Variants in GRIK3 observed in about 807,000 individuals in gnomAD.
GRIK3 encodes the protein glutamate receptor ionotropic, kainate 3.
In GRIK3, 29 loss-of-function variants were observed where a neutral mutation model predicts 102.5. The observed-to-expected ratio is 0.28, with a 90% CI of 0.21 to 0.39. The LOEUF (loss-of-function observed/expected upper bound fraction) is 0.39. Among genes scored for constraint, GRIK3 ranks in the 10% least tolerant of loss-of-function variants. The pLI is 1.00. For synonymous variants in GRIK3, 511 were observed against 504.9 expected, an observed-to-expected ratio of 1.01 and a Z score of -0.16; for missense variants, 908 against 1,252.4, an observed-to-expected ratio of 0.73 and a Z score of 4.15.
intron 1 of GRIK3, among the ~76,000 whole-genome samples, chr1:36,942,430 C>T (rs568420677): frequency 6.6e-6 from 1 of 152,330 alleles, no homozygotes; most frequent in East Asian, 1.9e-4. Context: ...CTGCTAATTG[C>T]TTGAAACACG....
intron 1 of GRIK3, among the ~76,000 whole-genome samples, chr1:37,031,384 GCAATT>G (rs1157398045): frequency 2.0e-5 from 3 of 152,220 alleles, no homozygotes; most frequent in African/African-American, 7.2e-5. Flanking sequence ...ACAGAGCAAT[GCAATT>G]CATCTATTCA....
chr1:36,838,357 C>G (rs536919935), intron 10 of GRIK3, among the ~76,000 whole-genome samples: 3 of 152,006 alleles, frequency 2.0e-5, no homozygotes, highest in African/African-American at 7.3e-5. Context: ...ATTTAAGGTA[C>G]GGATGTGAGT....
intron 1 of GRIK3, among the ~76,000 whole-genome samples, chr1:36,945,606 G>A (rs375267561): frequency 6.6e-6 from 1 of 152,190 alleles, no homozygotes; most frequent in East Asian, 1.9e-4. Flanking sequence ...TCTCAATTTA[G>A]AGGCACAATC....
At chr1:36,910,481 T>C (rs1432585583) in intron 1 of GRIK3, among the ~76,000 whole-genome samples, 1 of 151,262 alleles carries the variant, frequency 6.6e-6, no homozygotes, top group Non-Finnish European at 1.5e-5. Flanking sequence ...TGCTCTCTGC[T>C]GCGCCTTAGC....
At chr1:36,887,039 T>C (rs1202493190) in intron 2 of GRIK3, among the ~76,000 whole-genome samples, 1 of 152,240 alleles carries the variant, frequency 6.6e-6, no homozygotes, top group East Asian at 1.9e-4. Context: ...TTATTACCAT[T>C]AAAGTGGCTA....
intron 10 of GRIK3, among the ~76,000 whole-genome samples, chr1:36,827,844 G>T (rs1362961625): frequency 1.3e-5 from 2 of 152,062 alleles, no homozygotes; most frequent in Non-Finnish European, 2.9e-5. Context: ...TCCTTCTAAA[G>T]GCAGCCCCCA....
intron 1 of GRIK3, among the ~76,000 whole-genome samples, chr1:36,916,364 C>T (rs559479002): frequency 6.6e-6 from 1 of 152,118 alleles, no homozygotes; most frequent in Non-Finnish European, 1.5e-5. Flanking sequence ...AAAAGAAAAA[C>T]CCATTTTCTG....
chr1:36,868,579 C>T (rs1005220914), intron 5 of GRIK3, among the ~76,000 whole-genome samples: 6 of 152,178 alleles, frequency 3.9e-5, no homozygotes, highest in East Asian at 1.9e-4. Flanking sequence ...TAAGCGTTCC[C>T]GTCACAGTGA....
chr1:36,946,838 C>T (rs566533146), intron 1 of GRIK3, among the ~76,000 whole-genome samples: 13 of 152,222 alleles, frequency 8.5e-5, no homozygotes, highest in South Asian at 6.2e-4. Context: ...CCAACTACCC[C>T]GACACTGTCT....
At chr1:36,881,376 C>A (rs1240833270) in intron 2 of GRIK3, among the ~76,000 whole-genome samples, 2 of 152,188 alleles carry the variant, frequency 1.3e-5, no homozygotes, top group Non-Finnish European at 2.9e-5. Context: ...ATCTGACATG[C>A]ATATCAGATC....
At chr1:36,947,520 C>T (rs1378192685) in intron 1 of GRIK3, among the ~76,000 whole-genome samples, 2 of 152,112 alleles carry the variant, frequency 1.3e-5, no homozygotes, top group South Asian at 4.1e-4. Context: ...GGCAATTGGC[C>T]CCCACCTTCC....
At chr1:36,812,435 G>C (rs1032978498) in intron 13 of GRIK3, among the ~76,000 whole-genome samples, 1 of 152,154 alleles carries the variant, frequency 6.6e-6, no homozygotes, top group African/African-American at 2.4e-5. Context: ...TCAAAGCTGT[G>C]CAGCCCTCCC....
At chr1:36,968,768 C>T (rs895165055) in intron 1 of GRIK3, among the ~76,000 whole-genome samples, 3 of 152,220 alleles carry the variant, frequency 2.0e-5, no homozygotes, top group Non-Finnish European at 4.4e-5. Flanking sequence ...TGGGTAGCAA[C>T]GTGGCTCCCA....
chr1:36,927,609 G>GA (rs1302734764), intron 1 of GRIK3, among the ~76,000 whole-genome samples: 1 of 151,906 alleles, frequency 6.6e-6, no homozygotes, highest in African/African-American at 2.4e-5. Flanking sequence ...TGGCTTTCTA[G>GA]AAAAAAATAT....
chr1:37,029,939 G>A (rs983730675), intron 1 of GRIK3, among the ~76,000 whole-genome samples: 6 of 152,234 alleles, frequency 3.9e-5, no homozygotes, highest in Non-Finnish European at 8.8e-5. Flanking sequence ...GAAGAGCCTA[G>A]TGAGGCCAGG....
chr1:36,803,032 T>C (rs1368836635), intron 15 of GRIK3, among the ~76,000 whole-genome samples: 1 of 152,218 alleles, frequency 6.6e-6, no homozygotes, highest in Admixed American at 6.5e-5. Context: ...CTCAGGGAGC[T>C]TGCGGTCTAA....
Position 36,805,226 on chromosome 1 carries a change from G to T in GRIK3, c.2326C>A (p.Arg776=). Residue 776 remains arginine (R), a synonymous_variant, in exon 15 of 16, where the codon CGG becomes AGG. Transcript: ENST00000373091. ...AGGATGGCGATGGTGATCTTGTCCC[G>T]GTATGGGGAGCCTGAGCAGGGAGAA... ...GIGTPMGSPY[R]DKITIAILQL... is the part of the protein sequence containing the mutation. The T allele has an allele frequency of 6.2e-7, 1 of 1,609,930 alleles. No homozygotes were observed.
intron 1 of GRIK3, among the ~76,000 whole-genome samples, chr1:36,984,996 T>C (rs892293831): frequency 6.6e-6 from 1 of 151,952 alleles, no homozygotes. Context: ...ACCAGCACAG[T>C]GGTCAAGGGC....
intron 1 of GRIK3, among the ~76,000 whole-genome samples, chr1:36,975,308 T>TTTTTTTTTTTTTTTTTTC (rs1642184477): frequency 6.7e-6 from 1 of 149,230 alleles, no homozygotes; most frequent in African/African-American, 2.5e-5. Context: ...TTTTTTTTTT[T>TTTTTTTTTTTTTTTTTTC]GAGAGGGAGT....
Sources: allele counts gnomAD v4.1 joint callset (sites outside exome capture counted in the v4.1 genomes callset), GRCh38; gene constraint gnomAD v4.1.1; transcripts MANE v1.5; gene names NCBI Gene and HGNC (gene_info 2026-07-23, HGNC 2026-07-21).